Variants in ERF observed in about 807,000 individuals in gnomAD.
ERF encodes the protein ETS2 repressor factor.
Under a neutral mutation model 41.6 loss-of-function variants are expected in ERF, and 10 were observed. The observed-to-expected ratio is 0.24, with a 90% CI of 0.15 to 0.41. The LOEUF is 0.41. ERF is among the 10% of genes least tolerant of loss of function. ERF has a pLI of 1.00. For synonymous variants in ERF, 395 were observed against 342.4 expected, an observed-to-expected ratio of 1.15 and a Z score of -1.70; for missense variants, 621 against 763.2, an observed-to-expected ratio of 0.81 and a Z score of 2.19.
rs1177469070 is a variant in ERF at position 42,254,883 on chromosome 19, C to T, written c.22+95G>A. On this transcript the variant is annotated intron_variant, in intron 1 of 3. Transcript: ENST00000222329. Reference sequence around the variant, plus strand: ...GGGTCCCCCAGAACTGGGGATCACTCGGGCTCCCCCGGACCCCTTCAGCCC... The same window carrying T: ...GGGTCCCCCAGAACTGGGGATCACTTGGGCTCCCCCGGACCCCTTCAGCCC... 4.4e-6 allele frequency: 6 copies of T among 1,357,172 alleles called. No individual in the cohort carries two copies. The East Asian group carries it at 1.5e-4, about 33-fold the overall frequency. 84.1% of individuals were successfully genotyped at this position (1,357,172 alleles called of 1,614,324 possible).
At chr19:42,254,675 G>A (rs989182903) in intron 1 of ERF, 4 of 298,910 alleles carry the variant, frequency 1.3e-5, no homozygotes, top group East Asian at 5.8e-5. Context: ...AAGAGCGGAG[G>A]GGAAGGACCC....
rs868779071 is a variant in ERF at position 42,254,912 on chromosome 19, C to T, written c.22+66G>A. On this transcript the variant is annotated intron_variant, in intron 1 of 3. Transcript: ENST00000222329. Reference sequence around the variant, plus strand: ...CTCCCCCGGACCCCTTCAGCCCCCCCAAAGTTTCTCCGTTCGGTTTCCCGG... The same window carrying T: ...CTCCCCCGGACCCCTTCAGCCCCCCTAAAGTTTCTCCGTTCGGTTTCCCGG... 2.0e-6 allele frequency: 3 copies of T among 1,500,400 alleles called. No individual in the cohort carries two copies. The South Asian group carries it at 3.9e-5, about 20-fold the overall frequency. The allele number at this position is 1,500,400 out of a possible 1,614,324, so 92.9% of individuals were successfully genotyped here.
Position 42,248,278 on chromosome 19 carries a change from G to T in ERF, c.*187C>A. 3.1e-6 allele frequency: 1 copy of T among 319,494 alleles called. No homozygotes were observed. 19.8% of individuals were successfully genotyped at this position (319,494 alleles called of 1,614,324 possible). ...GAGACAGGGAATAGCCCCTAGCCCT[G>T]GGCACCCACCCACCCCCACCATTTT... On this transcript the variant is annotated 3_prime_UTR_variant, in exon 4 of 4. Transcript: ENST00000222329. The surrounding 1 kb of genome is among the most constrained non-coding windows in gnomAD (Gnocchi z 4.2).
intron 1 of ERF, chr19:42,253,854 G>C: frequency 9.3e-7 from 1 of 1,071,656 alleles, no homozygotes; most frequent in Non-Finnish European, 1.1e-6. Flanking sequence ...GCACACAGGA[G>C]CCCGAGCCGC....
chr19:42,254,039 C>A, intron 1 of ERF: 5 of 623,952 alleles, frequency 8.0e-6, no homozygotes, highest in Non-Finnish European at 1.0e-5. Context: ...CCGCGCGAGC[C>A]CGGGGGCGGC....
At chr19:42,254,640 C>T in intron 1 of ERF, 1 of 228,276 alleles carries the variant, frequency 4.4e-6, no homozygotes, top group Non-Finnish European at 8.6e-6. Context: ...CCGCACACGT[C>T]CCGGCCCCCA....
intron 1 of ERF, among the ~76,000 whole-genome samples, chr19:42,253,483 T>C (rs2036479147): frequency 6.6e-6 from 1 of 151,944 alleles, no homozygotes; most frequent in African/African-American, 2.4e-5. Context: ...GACCCGCGGA[T>C]CCTATCAGGC....
Position 42,250,066 on chromosome 19 carries a change from C to T in ERF, c.258-124G>A. 2 of 974,522 alleles carry T rather than the reference C, an allele frequency of 2.1e-6. No individual in the cohort carries two copies. The highest frequency in any genetic ancestry group is 1.6e-6 in the Non-Finnish European group (1 of 616,774). 60.4% of individuals were successfully genotyped at this position (974,522 alleles called of 1,614,324 possible). A position where few individuals can be genotyped will look rare whatever the true frequency, so the allele number is the denominator to read the frequency against. On this transcript the variant is annotated intron_variant, in intron 2 of 3. Transcript: ENST00000222329. This position sits in a 1 kb window ranked among gnomAD's most constrained non-coding sequence, Gnocchi z 5.1. ...ACTGAGGAACGTAGGCCACAAAAGA[C>T]AAATCAAGTGCCCAGAGGGTGGGTA...
rs1392977159 is a variant in ERF, at chr19:42,249,159, G to A, written c.953C>T (p.Thr318Ile). ...GAGGTGGTAGTTGTAGACGCTTTGG[G>A]TGTGGGCCTGCAGGTACCGTTTCAT... Reference protein sequence around the residue: ...EDMKRYLQAHTQSVYNYHLSP... With the variant: ...EDMKRYLQAHIQSVYNYHLSP... Residue 318 changes from threonine (T) to isoleucine (I), a missense_variant, in exon 4 of 4, where the codon ACC becomes ATC. Thr to Ile is a moderately conservative substitution (Grantham distance 89). Around this residue, in one of 3 missense-constraint regions of ERF, gnomAD observed 569 missense variants for 625.5 expected, o/e 0.91. Transcript: ENST00000222329. The surrounding 1 kb of genome is among the most constrained non-coding windows in gnomAD (Gnocchi z 8.6). 6.2e-7 allele frequency: 1 copy of A among 1,613,956 alleles called. No individual in the cohort carries two copies. The highest frequency in any genetic ancestry group is 1.1e-5 in the South Asian group (1 of 91,076).
intron 1 of ERF, among the ~76,000 whole-genome samples, chr19:42,252,727 T>TG (rs112535098): frequency 1.7e-3 from 242 of 145,948 alleles, no homozygotes; most frequent in African/African-American, 4.7e-3. Context: ...TTCCCGGCTT[T>TG]GGGGGGGGGA....
intron 1 of ERF, chr19:42,254,595 A>G: frequency 5.1e-6 from 1 of 195,332 alleles, no homozygotes; most frequent in African/African-American, 2.4e-5. Context: ...GCGCAGAACC[A>G]GGGATAGCGG....
chr19:42,250,196 G>A lies in ERF; in HGVS notation c.257+135C>T. 1 of 997,028 alleles carries A rather than the reference G, an allele frequency of 1.0e-6. No individual in the cohort carries two copies. The highest frequency in any genetic ancestry group is 1.5e-6 in the Non-Finnish European group (1 of 675,948). 61.8% of individuals were successfully genotyped at this position (997,028 alleles called of 1,614,324 possible). ...ACCAAGGGGCTCAGGGAAGGGCTGG[G>A]AGTGGCCCAAGGTCACACAGCTAGG... On this transcript the variant is annotated intron_variant, in intron 2 of 3. Transcript: ENST00000222329. The surrounding 1 kb of genome is among the most constrained non-coding windows in gnomAD (Gnocchi z 5.1).
chr19:42,254,686 C>T (rs2036505121), intron 1 of ERF: 1 of 319,682 alleles, frequency 3.1e-6, no homozygotes, highest in Non-Finnish European at 5.8e-6. Flanking sequence ...GGAAGGACCC[C>T]GCCACCCCCG....
In ERF at chr19:42,248,264, T is replaced by A; in HGVS notation, c.*201A>T. The A allele has an allele frequency of 1.8e-5, 3 of 163,184 alleles. No homozygotes were observed. Among genetic ancestry groups the A allele is most frequent in the Non-Finnish European group, 3.3e-5 (3 of 91,134 alleles). 10.1% of individuals were successfully genotyped at this position (163,184 alleles called of 1,614,324 possible). A position where few individuals can be genotyped will look rare whatever the true frequency, so the allele number is the denominator to read the frequency against. ...CTTAGAAACCCACAGAGACAGGGAA[T>A]AGCCCCTAGCCCTGGGCACCCACCC... On this transcript the variant is annotated 3_prime_UTR_variant, in exon 4 of 4. Transcript: ENST00000222329. The surrounding 1 kb of genome is among the most constrained non-coding windows in gnomAD (Gnocchi z 4.2).
chr19:42,249,238 C>T lies in ERF; in HGVS notation c.874G>A (p.Gly292Arg), dbSNP rs776319250. 9.3e-6 allele frequency: 15 copies of T among 1,613,090 alleles called. No individual in the cohort carries two copies. The highest frequency in any genetic ancestry group is 2.7e-5 in the African/African-American group (2 of 75,026). The change falls in exon 4 of 4, where the codon GGG becomes AGG. Residue 292 changes from glycine to arginine, a missense_variant. Gly to Arg is a moderately radical substitution (Grantham distance 125, BLOSUM62 -2). This residue lies in a region of ERF where 569 missense variants were observed against 625.5 expected (regional missense o/e 0.91). Transcript: ENST00000222329. This position sits in a 1 kb window ranked among gnomAD's most constrained non-coding sequence, Gnocchi z 8.6. ...TLSPMYPSGG[G>R]GPSGSGGGSH... ...CCTCCCCCTGAGCCGCTGGGCCCCCCGCCACCACTGGGGTACATCGGGCTC... is the reference window on the plus strand; with the variant it reads ...CCTCCCCCTGAGCCGCTGGGCCCCCTGCCACCACTGGGGTACATCGGGCTC...
chr19:42,254,746 A>C, intron 1 of ERF: 1 of 410,106 alleles, frequency 2.4e-6, no homozygotes. Context: ...CGGTAGGGAT[A>C]CAGGACCAAG....
rs200540167 is a variant in ERF at position 42,248,966 on chromosome 19, G to A, written c.1146C>T (p.Pro382=). The part of the protein sequence containing the change: ...SSPFKFKLQP[P]PLGRRQRAAG... ...CTGCCCGCTGCCGGCGTCCGAGTGG[G>A]GGCGGCTGGAGCTTAAACTTGAATG... The change falls in exon 4 of 4, where the codon CCC becomes CCT. Residue 382 remains proline (P), a synonymous_variant. Transcript: ENST00000222329. The surrounding 1 kb of genome is among the most constrained non-coding windows in gnomAD (Gnocchi z 4.2). The A allele has an allele frequency of 3.7e-6, 6 of 1,606,804 alleles. No homozygotes were observed. The African/African-American group carries it at 5.3e-5, about 14-fold the overall frequency.
In ERF at chr19:42,249,516, G is replaced by C. The variant is rs758497035; in HGVS notation, c.596C>G (p.Pro199Arg). ...CSDGTSELEE[P>R]LGEDPRARPP... ...TCGGGCGCGGGGATCCTCTCCCAGCGGTTCCTCCAGCTCTGACGTGCCATC... is the reference window on the plus strand; with the variant it reads ...TCGGGCGCGGGGATCCTCTCCCAGCCGTTCCTCCAGCTCTGACGTGCCATC... The change falls in exon 4 of 4, where the codon CCG becomes CGG. Residue 199 changes from proline (P) to arginine (R), a missense_variant. By Grantham distance (103) the Pro-to-Arg change is moderately radical. Around this residue, in one of 3 missense-constraint regions of ERF, gnomAD observed 569 missense variants for 625.5 expected, o/e 0.91. Transcript: ENST00000222329. The surrounding 1 kb of genome is among the most constrained non-coding windows in gnomAD (Gnocchi z 8.6). 1 of 1,612,958 alleles carries C rather than the reference G, an allele frequency of 6.2e-7. No homozygotes were observed. Among genetic ancestry groups the C allele is most frequent in the Non-Finnish European group, 8.5e-7 (1 of 1,179,902 alleles).
chr19:42,252,392 G>A (rs745603573), intron 1 of ERF, among the ~76,000 whole-genome samples: 1 of 150,030 alleles, frequency 6.7e-6, no homozygotes, highest in Non-Finnish European at 1.5e-5. Context: ...CAGCCTCCGT[G>A]TCCCGGTAAC....
Sources: allele counts gnomAD v4.1 joint callset (sites outside exome capture counted in the v4.1 genomes callset), GRCh38; gene constraint gnomAD v4.1.1; regional missense constraint gnomAD v4.1.1; non-coding constraint Gnocchi (gnomAD v3.1); transcripts MANE v1.5; gene names NCBI Gene and HGNC (gene_info 2026-07-23, HGNC 2026-07-21).